Variants in TBX4 observed in about 807,000 individuals in gnomAD.
TBX4 encodes the protein T-box transcription factor TBX4.
In TBX4, 13 loss-of-function variants were observed where a neutral mutation model predicts 54.6. The ratio of observed to expected loss-of-function variants is 0.24; its 90% CI spans 0.15 to 0.38. The LOEUF (loss-of-function observed/expected upper bound fraction) is 0.38, where lower values mean the gene tolerates loss of function less well. Ranked by LOEUF, TBX4 falls within the 10% of genes least tolerant of loss-of-function variation. The pLI is 1.00. For synonymous variants in TBX4, 314 were observed against 306.7 expected (o/e 1.02, Z -0.25); for missense variants, 631 against 728.5 (o/e 0.87, Z 1.54).
Position 61,457,076 on chromosome 17 carries a change from G to T in TBX4, c.186+400G>T, listed in dbSNP as rs376406993. 3.9e-5 allele frequency among the ~76,000 whole-genome samples: 6 copies of T among 152,316 alleles called. No individual in the cohort carries two copies. In the East Asian group the frequency reaches 9.7e-4, roughly 25 times the overall value. ...CGCACGGGAGCCGCTGCGGGGATCCGAGGCCTCTGGGACGTCGCCGAGGGC... is the reference window on the plus strand; with the variant it reads ...CGCACGGGAGCCGCTGCGGGGATCCTAGGCCTCTGGGACGTCGCCGAGGGC... On this transcript the variant is annotated intron_variant, in intron 2 of 8. Coordinates refer to ENST00000644296, the MANE Select transcript of TBX4 (RefSeq NM_001321120.2). The surrounding 1 kb of genome is among the most constrained non-coding windows in gnomAD (Gnocchi z 8.2).
chr17:61,480,140 C>A lies in TBX4; in HGVS notation c.842C>A (p.Ser281Tyr). The A allele has an allele frequency of 6.2e-7, 1 of 1,614,094 alleles. No homozygotes were observed. The highest frequency in any genetic ancestry group is 8.5e-7 in the Non-Finnish European group (1 of 1,180,012). ...AGCATCATGAGGCAGAGGCTCATCT[C>A]CCCCCAGCTCTCAGCCACACCGGAC... The part of the protein sequence containing the change: ...SKSIMRQRLI[S>Y]PQLSATPDVG... The change falls in exon 8 of 9, where the codon TCC becomes TAC. Residue 281 changes from serine to tyrosine, a missense_variant. Ser to Tyr is a moderately radical substitution (Grantham distance 144). Transcript: ENST00000644296. The surrounding 1 kb of genome is among the most constrained non-coding windows in gnomAD (Gnocchi z 6.2).
intron 5 of TBX4, among the ~76,000 whole-genome samples, chr17:61,468,462 G>A (rs1374068576): frequency 2.6e-5 from 4 of 152,210 alleles, no homozygotes; most frequent in African/African-American, 9.6e-5. Flanking sequence ...GAAGTGCAGG[G>A]CAGGGGCAGT....
chr17:61,470,280 C>T (rs1452190427), intron 5 of TBX4, among the ~76,000 whole-genome samples: 2 of 152,186 alleles, frequency 1.3e-5, no homozygotes, highest in African/African-American at 4.8e-5. Context: ...CTTCAAAGAG[C>T]AGGAAGCCCT....
chr17:61,482,909 G>A lies in TBX4; in HGVS notation c.1034G>A (p.Arg345His), dbSNP rs200962877. Residue 345 changes from arginine (R) to histidine (H), a missense_variant, in exon 9 of 9, where the codon CGC becomes CAC. Physicochemically the swap from Arg to His is conservative, Grantham distance 29. Around this residue, in one of 3 missense-constraint regions of TBX4, gnomAD observed 354 missense variants for 368.9 expected, o/e 0.96. Transcript: ENST00000644296. ...CTTTGTCTTTCAGCAGACGGTACCCGCCACCTGGACTTACCTTGCAAGCGA... is the reference window on the plus strand; with the variant it reads ...CTTTGTCTTTCAGCAGACGGTACCCACCACCTGGACTTACCTTGCAAGCGA... ...HCLKRRADGT[R>H]HLDLPCKRSY... 9.0e-5 allele frequency: 146 copies of A among 1,613,408 alleles called. No individual in the cohort carries two copies. Among genetic ancestry groups the A allele is most frequent in the Non-Finnish European group, 1.0e-4 (123 of 1,179,830 alleles).
rs1341043386 is a variant in TBX4, at chr17:61,460,618, G to A, written c.281+2987G>A. Among the ~76,000 whole-genome samples, 3 of 152,102 alleles carry A rather than the reference G, an allele frequency of 2.0e-5. No individual in the cohort carries two copies. Among genetic ancestry groups the A allele is most frequent in the South Asian group, 2.1e-4 (1 of 4,830 alleles). ...TTGGGTCTCTGTGTCCAGAGGGTTC[G>A]TGCTGATAGCCGCAGACAGCAGATC... On this transcript the variant is annotated intron_variant, in intron 3 of 8. Coordinates refer to ENST00000644296, the MANE Select transcript of TBX4 (RefSeq NM_001321120.2). This position sits in a 1 kb window ranked among gnomAD's most constrained non-coding sequence, Gnocchi z 4.4.
chr17:61,465,545 G>A lies in TBX4; in HGVS notation c.282-274G>A, dbSNP rs1268028574. Among the ~76,000 whole-genome samples the A allele has an allele frequency of 1.3e-5, 2 of 152,182 alleles. No homozygotes were observed. Among genetic ancestry groups the A allele is most frequent in the East Asian group, 3.9e-4 (2 of 5,194 alleles). On this transcript the variant is annotated intron_variant, in intron 3 of 8. Transcript: ENST00000644296. This position sits in a 1 kb window ranked among gnomAD's most constrained non-coding sequence, Gnocchi z 4.9. ...CAAGTCTTAGGGGATTATGGGGGAG[G>A]GGATAAGTGAATTTGGGAAATGGTG...
chr17:61,484,968 ATATAAAC>A lies in TBX4; in HGVS notation c.*1453_*1459del, dbSNP rs2060693956. On this transcript the variant is annotated 3_prime_UTR_variant, in exon 9 of 9. Transcript: ENST00000644296. This position sits in a 1 kb window ranked among gnomAD's most constrained non-coding sequence, Gnocchi z 4.1. ...TAAATATATATATATATATATATAT[ATATAAAC>A]ACACACACACTACAGATAAGGCTTT... is the stretch of plus-strand genomic sequence containing the variant. 1 of 148,126 alleles carries A rather than the reference ATATAAAC, an allele frequency of 6.8e-6. No homozygotes were observed. Among genetic ancestry groups the A allele is most frequent in the Non-Finnish European group, 1.5e-5 (1 of 67,140 alleles). The allele number at this position is 148,126 out of a possible 1,614,324, so 9.2% of individuals were successfully genotyped here. A position where few individuals can be genotyped will look rare whatever the true frequency, so the allele number is the denominator to read the frequency against.
chr17:61,456,194 C>T (rs562966353), intron 1 of TBX4, among the ~76,000 whole-genome samples: 2 of 152,324 alleles, frequency 1.3e-5, no homozygotes, highest in East Asian at 3.9e-4. Flanking sequence ...GCAGCTGTGG[C>T]AATGCCGAGA....
chr17:61,474,778 G>A lies in TBX4; in HGVS notation c.550-3849G>A, dbSNP rs551802639. The stretch of plus-strand genomic sequence containing the variant: ...CTCTGGCAAAGTAGTTTAATGTGGC[G>A]CCTGAGGAACTTCCGAGCAAAGCCA... On this transcript the variant is annotated intron_variant, in intron 5 of 8. Coordinates refer to ENST00000644296, the MANE Select transcript of TBX4 (RefSeq NM_001321120.2). The surrounding 1 kb of genome is among the most constrained non-coding windows in gnomAD (Gnocchi z 4.6). Among the ~76,000 whole-genome samples, 23 of 152,340 alleles carry A rather than the reference G, an allele frequency of 1.5e-4. No homozygotes were observed. The South Asian group carries it at 2.7e-3, about 18-fold the overall frequency.
Position 61,478,870 on chromosome 17 carries a change from G to A in TBX4, c.702+91G>A. 1.9e-6 allele frequency: 3 copies of A among 1,604,246 alleles called. No individual in the cohort carries two copies. Among genetic ancestry groups the A allele is most frequent in the Non-Finnish European group, 8.5e-7 (1 of 1,171,744 alleles). On this transcript the variant is annotated intron_variant, in intron 6 of 8. Coordinates refer to ENST00000644296, the MANE Select transcript of TBX4 (RefSeq NM_001321120.2). This position sits in a 1 kb window ranked among gnomAD's most constrained non-coding sequence, Gnocchi z 7.4. ...CAGAGAGGCAGAGTGTGAAGCCAGA[G>A]TCCCAGCAGGGCTTGGGCAGGCCCA... is the stretch of plus-strand genomic sequence containing the variant.
rs1343559021 is a variant in TBX4 at position 61,475,547 on chromosome 17, C to T, written c.550-3080C>T. ...TGGTGGGGCCTGAAGCAGGGGTGTG[C>T]AAAAGGAATGGAGGGGCTTTTGTTT... On this transcript the variant is annotated intron_variant, in intron 5 of 8. Transcript: ENST00000644296. This position sits in a 1 kb window ranked among gnomAD's most constrained non-coding sequence, Gnocchi z 5.0. Among the ~76,000 whole-genome samples, 8 of 152,010 alleles carry T rather than the reference C, an allele frequency of 5.3e-5. No homozygotes were observed. Among genetic ancestry groups the T allele is most frequent in the Admixed American group, 5.2e-4 (8 of 15,276 alleles).
intron 1 of TBX4, among the ~76,000 whole-genome samples, chr17:61,455,255 G>C (rs1249824298): frequency 6.6e-6 from 1 of 152,246 alleles, no homozygotes; most frequent in Non-Finnish European, 1.5e-5. Context: ...CTCTGAACAA[G>C]ATGGGCGAGA....
rs2060489024 is a variant in TBX4 at position 61,460,720 on chromosome 17, A to G, written c.281+3089A>G. Among the ~76,000 whole-genome samples the G allele has an allele frequency of 6.6e-6, 1 of 152,178 alleles. No individual in the cohort carries two copies. The highest frequency in any genetic ancestry group is 2.1e-4 in the South Asian group (1 of 4,822). On this transcript the variant is annotated intron_variant, in intron 3 of 8. Transcript: ENST00000644296. The surrounding 1 kb of genome is among the most constrained non-coding windows in gnomAD (Gnocchi z 4.4). ...GCATTTTCTCCCAAACATAGATAAA[A>G]GTGAGCTCCACAAAAAAATTTAAAT...
At chr17:61,458,187 T>G (rs2060468367) in intron 3 of TBX4, among the ~76,000 whole-genome samples, 1 of 151,918 alleles carries the variant, frequency 6.6e-6, no homozygotes. Context: ...GGAGCGGCTC[T>G]CGGTGGCTGC....
intron 3 of TBX4, chr17:61,463,081 C>G (rs988823100): frequency 3.9e-5 from 6 of 152,326 alleles, no homozygotes; most frequent in African/African-American, 1.4e-4. Flanking sequence ...CTGGGTGGAC[C>G]CTTCCTCCTT....
At chr17:61,456,456 G>C (rs1363488916) in intron 1 of TBX4, 32 bp from the exon 2 acceptor site, 1 of 1,552,700 alleles carries the variant, frequency 6.4e-7, no homozygotes, top group South Asian at 1.2e-5. Flanking sequence ...TGTGGACCTG[G>C]GCGAGTGACT....
rs905110315 is a variant in TBX4 at position 61,474,242 on chromosome 17, G to A, written c.550-4385G>A. 9.9e-5 allele frequency among the ~76,000 whole-genome samples: 15 copies of A among 152,210 alleles called. No individual in the cohort carries two copies. The highest frequency in any genetic ancestry group is 1.8e-4 in the Non-Finnish European group (12 of 68,024). On this transcript the variant is annotated intron_variant, in intron 5 of 8. Transcript: ENST00000644296. The surrounding 1 kb of genome is among the most constrained non-coding windows in gnomAD (Gnocchi z 4.6). Reference sequence around the variant, plus strand: ...CACACTTTTGAGGGGCTAGCATCCAGATAACATGTGTTCTGTGTTCTGTAG... The same window carrying A: ...CACACTTTTGAGGGGCTAGCATCCAAATAACATGTGTTCTGTGTTCTGTAG...
chr17:61,469,088 T>G (rs759941728), intron 5 of TBX4, among the ~76,000 whole-genome samples: 1 of 152,052 alleles, frequency 6.6e-6, no homozygotes. Context: ...TCCCTAGAGA[T>G]CCAAACCTGG....
chr17:61,483,007 A>C lies in TBX4; in HGVS notation c.1132A>C (p.Met378Leu). ...FRSPPPYDQQMLSPSYCSEVT... is the reference protein window; with the variant it reads ...FRSPPPYDQQLLSPSYCSEVT... ...TTCCCCCCCTCCCTACGACCAGCAA[A>C]TGCTGAGCCCCTCCTACTGCAGTGA... Residue 378 changes from methionine (M) to leucine (L), a missense_variant, in exon 9 of 9, where the codon ATG (methionine) becomes CTG (leucine). Around this residue, in one of 3 missense-constraint regions of TBX4, gnomAD observed 354 missense variants for 368.9 expected, o/e 0.96. Transcript: ENST00000644296. The surrounding 1 kb of genome is among the most constrained non-coding windows in gnomAD (Gnocchi z 6.6). The C allele has an allele frequency of 6.2e-7, 1 of 1,613,950 alleles. No individual in the cohort carries two copies. The highest frequency in any genetic ancestry group is 1.1e-5 in the South Asian group (1 of 91,064).
Sources: allele counts gnomAD v4.1 joint callset (sites outside exome capture counted in the v4.1 genomes callset), GRCh38; gene constraint gnomAD v4.1.1; regional missense constraint gnomAD v4.1.1; non-coding constraint Gnocchi (gnomAD v3.1); transcripts MANE v1.5; gene names NCBI Gene and HGNC (gene_info 2026-07-23, HGNC 2026-07-21).